The following DGKG variants were observed in gnomAD, a reference collection of about 807,000 sequenced individuals.
DGKG encodes the protein diacylglycerol kinase gamma, also known as DAG kinase gamma.
In DGKG, 78 loss-of-function variants were observed where a neutral mutation model predicts 105.3. The observed-to-expected ratio is 0.74, with a 90% CI of 0.62 to 0.89. The LOEUF (loss-of-function observed/expected upper bound fraction) is 0.89. Among genes scored for constraint, DGKG ranks in the 40% least tolerant of loss-of-function variants. DGKG has a pLI of 0.00. For synonymous variants in DGKG, 346 were observed against 367.1 expected (o/e 0.94, Z 0.66); for missense variants, 958 against 1,020.1 (o/e 0.94, Z 0.83).
At chr3:186,170,358 A>G (rs981147946) in intron 22 of DGKG, among the ~76,000 whole-genome samples, 7 of 152,194 alleles carry the variant, frequency 4.6e-5, no homozygotes, top group Non-Finnish European at 4.4e-5. Flanking sequence ...CGGCAGCCTC[A>G]GCATCACCTG....
At chr3:186,275,380 TA>T (rs1215147732) in intron 10 of DGKG, among the ~76,000 whole-genome samples, 166 bp downstream of exon 10, 1 of 152,094 alleles carries the variant, frequency 6.6e-6, no homozygotes, top group Admixed American at 6.5e-5. Context: ...TTGGGTAGGG[TA>T]AAAACAGGAC....
intron 20 of DGKG, among the ~76,000 whole-genome samples, chr3:186,229,698 A>G (rs1468856848): frequency 6.6e-6 from 1 of 152,194 alleles, no homozygotes; most frequent in Non-Finnish European, 1.5e-5. Context: ...GAACTCCTGA[A>G]AAGCAGGGGC....
At chr3:186,323,087 G>C (rs1725158803) in intron 1 of DGKG, among the ~76,000 whole-genome samples, 1 of 151,830 alleles carries the variant, frequency 6.6e-6, no homozygotes, top group African/African-American at 2.4e-5. Context: ...CCTCCCCTTG[G>C]TCTGCTCTTT....
chr3:186,315,050 A>G (rs1724751436), intron 2 of DGKG, among the ~76,000 whole-genome samples: 1 of 152,156 alleles, frequency 6.6e-6, no homozygotes, highest in South Asian at 2.1e-4. Flanking sequence ...TCTGCGGTAG[A>G]AATCTATTTA....
intron 3 of DGKG, among the ~76,000 whole-genome samples, chr3:186,299,049 A>G (rs1723738070): frequency 6.6e-6 from 1 of 152,220 alleles, no homozygotes; most frequent in African/African-American, 2.4e-5. Flanking sequence ...GGCTGGGAGC[A>G]GCTATGCCAG....
chr3:186,259,049 T>C (rs1721616615), intron 16 of DGKG, among the ~76,000 whole-genome samples: 1 of 152,214 alleles, frequency 6.6e-6, no homozygotes, highest in African/African-American at 2.4e-5. Context: ...TCAGAATCAC[T>C]GATGCATGTG....
intron 20 of DGKG, among the ~76,000 whole-genome samples, chr3:186,223,100 G>A (rs1395272596): frequency 2.1e-5 from 3 of 143,724 alleles, no homozygotes; most frequent in Non-Finnish European, 4.5e-5. Flanking sequence ...AACTGGCTTC[G>A]TGGCCTCATG....
Position 186,272,272 on chromosome 3 carries a change from C to T in DGKG, c.982G>A (p.Ala328Thr), listed in dbSNP as rs778858934. The change falls in exon 11 of 25, where the codon GCC becomes ACC. Residue 328 changes from alanine to threonine, a missense_variant. Ala to Thr is a moderately conservative substitution (Grantham distance 58, BLOSUM62 0). Coordinates refer to ENST00000265022, the MANE Select transcript of DGKG (RefSeq NM_001346.3). ...TCACCAACCTCACCACTCCTTTTGG[C>T]TTTTGAGTACGTTTTGACACAACCA... is the stretch of plus-strand genomic sequence containing the variant. ...IPGCVKTYSK[A>T]KRSGEVMQHA... is the part of the protein sequence containing the mutation. The T allele has an allele frequency of 1.9e-5, 31 of 1,613,632 alleles. No individual in the cohort carries two copies. Among genetic ancestry groups the T allele is most frequent in the Non-Finnish European group, 2.6e-5 (31 of 1,179,698 alleles).
At chr3:186,223,704 C>T (rs1296084684) in intron 20 of DGKG, among the ~76,000 whole-genome samples, 1 of 152,184 alleles carries the variant, frequency 6.6e-6, no homozygotes, top group Non-Finnish European at 1.5e-5. Context: ...CTTTCTATTT[C>T]ATCCTTTTGA....
intron 7 of DGKG, among the ~76,000 whole-genome samples, chr3:186,282,601 C>T (rs1188618711): frequency 6.6e-6 from 1 of 152,106 alleles, no homozygotes; most frequent in Non-Finnish European, 1.5e-5. Flanking sequence ...CAACCTCCAC[C>T]TCCTGGGTTC....
At chr3:186,322,844 G>A (rs759182582) in intron 1 of DGKG, among the ~76,000 whole-genome samples, 8 of 152,110 alleles carry the variant, frequency 5.3e-5, no homozygotes, top group Non-Finnish European at 8.8e-5. Flanking sequence ...GTCCCCAGCC[G>A]CTCGGGTTAT....
At chr3:186,250,580 C>T (rs1436948994) in intron 19 of DGKG, among the ~76,000 whole-genome samples, 3 of 11,498 alleles carry the variant, frequency 2.6e-4, no homozygotes, top group East Asian at 6.0e-3. Flanking sequence ...GACAGAGTCT[C>T]GCTCTGTTGT....
At chr3:186,186,609 C>T (rs1717648829) in intron 22 of DGKG, among the ~76,000 whole-genome samples, 1 of 152,202 alleles carries the variant, frequency 6.6e-6, no homozygotes, top group South Asian at 2.1e-4. Flanking sequence ...ATTGTTTTTA[C>T]AGTAAAGAAA....
chr3:186,228,924 T>C (rs907762474), intron 20 of DGKG, among the ~76,000 whole-genome samples: 7 of 152,224 alleles, frequency 4.6e-5, no homozygotes, highest in African/African-American at 1.7e-4. Context: ...CCTCACTCTC[T>C]ATACCTGTGA....
intron 16 of DGKG, among the ~76,000 whole-genome samples, chr3:186,259,788 C>T (rs942965731): frequency 6.6e-6 from 1 of 152,016 alleles, no homozygotes; most frequent in Non-Finnish European, 1.5e-5. Flanking sequence ...CTGTAGGGGC[C>T]GCATCACAGA....
chr3:186,245,065 C>T (rs974612314), intron 19 of DGKG, among the ~76,000 whole-genome samples: 3 of 152,164 alleles, frequency 2.0e-5, no homozygotes, highest in African/African-American at 7.2e-5. Flanking sequence ...TGTTGCCTGG[C>T]ACAATTTGTA....
chr3:186,347,389 A>G (rs191740952), intron 1 of DGKG, among the ~76,000 whole-genome samples: 2,120 of 143,628 alleles, frequency 0.015, 48 homozygotes, highest in African/African-American at 0.052. Context: ...CAGAGGTTGC[A>G]GTGAGCCGAG....
intron 5 of DGKG, among the ~76,000 whole-genome samples, chr3:186,294,136 T>A (rs1051473625): frequency 6.6e-6 from 1 of 152,086 alleles, no homozygotes; most frequent in Non-Finnish European, 1.5e-5. Context: ...ATGATACAAC[T>A]ATTGCAAATA....
chr3:186,309,442 C>A (rs927355125), intron 2 of DGKG, among the ~76,000 whole-genome samples: 3 of 152,132 alleles, frequency 2.0e-5, no homozygotes, highest in Non-Finnish European at 4.4e-5. Context: ...ATATAACCAG[C>A]TCTCTGTTTT....
Sources: gnomAD v4.1 joint callset for allele counts (sites outside exome capture counted in the v4.1 genomes callset) on GRCh38, gnomAD v4.1.1 for gene constraint, MANE v1.5 for transcripts, NCBI Gene and HGNC (gene_info 2026-07-23, HGNC 2026-07-21) for gene names.